The following USP9X variants were observed in gnomAD, a reference collection of about 807,000 sequenced individuals.
USP9X encodes ubiquitin specific peptidase 9 X-linked, also known as ubiquitin carboxyl-terminal hydrolase 9X.
Under a neutral mutation model 190.3 loss-of-function variants are expected in USP9X, and 7 were observed. That is an observed-to-expected ratio of 0.04 (90% confidence interval 0.02 to 0.07). USP9X has a LOEUF of 0.07. Among genes scored for constraint, USP9X ranks in the 10% least tolerant of loss-of-function variants. The pLI is 1.00. For synonymous variants in USP9X, 645 were observed against 659.5 expected (o/e 0.98, Z 0.34); for missense variants, 1,010 against 1,916.9 (o/e 0.53, Z 8.83).
At position 41,214,738 on chromosome X, in the gene USP9X, T is replaced by C. The variant is rs769227918; in HGVS notation, c.5331+29T>C. The C allele has an allele frequency of 3.4e-6, 4 of 1,173,868 alleles. No individual in the cohort carries two copies. The East Asian group carries it at 1.2e-4, about 36-fold the overall frequency. On this transcript the variant is annotated intron_variant, in intron 34 of 44. Coordinates refer to ENST00000378308, the MANE Select transcript of USP9X (RefSeq NM_001039591.3). The stretch of plus-strand genomic sequence containing the variant: ...CGGGCTGTCCAGTTTTGTTTAATTT[T>C]GATTACATTTAATGGATTTAGAAGA...
intron 21 of USP9X, among the ~76,000 whole-genome samples, chrX:41,182,937 GTT>G (rs11324762): frequency 2.9e-4 from 28 of 95,645 alleles, no homozygotes; most frequent in African/African-American, 6.5e-4. Flanking sequence ...GAAAATCATA[GTT>G]TTTTTTTTTT....
In USP9X at chrX:41,189,322, A is replaced by G; in HGVS notation, c.3824A>G (p.Asn1275Ser). 8.3e-7 allele frequency: 1 copy of G among 1,209,469 alleles called. No homozygotes were observed. Among genetic ancestry groups the G allele is most frequent in the Non-Finnish European group, 1.1e-6 (1 of 894,366 alleles). ...TKIYEKTNAG[N>S]EPDLEDEQVC... ...GTAATTTTACAGACCAATGCAGGCA[A>G]TGAGCCAGACTTGGAAGACGAACAG... is the stretch of plus-strand genomic sequence containing the variant. The change falls in exon 26 of 45, where the codon AAT (asparagine) becomes AGT (serine). Residue 1275 changes from asparagine to serine, a missense_variant. This residue lies in a region of USP9X where 351 missense variants were observed against 480.8 expected (regional missense o/e 0.73). Coordinates refer to ENST00000378308, the MANE Select transcript of USP9X (RefSeq NM_001039591.3).
In USP9X at chrX:41,117,951, G is replaced by A. The variant is rs756852860; in HGVS notation, c.-158-5520G>A. 3.6e-5 allele frequency among the ~76,000 whole-genome samples: 4 copies of A among 110,590 alleles called. No individual in the cohort carries two copies. The East Asian group carries it at 8.5e-4, about 24-fold the overall frequency. The stretch of plus-strand genomic sequence containing the variant: ...CGGCTCACTGCAACCTCTGCCTTCC[G>A]GATTCAAGCGATTCTCCTGCCACAG... On this transcript the variant is annotated intron_variant, in intron 1 of 44. Coordinates refer to ENST00000378308, the MANE Select transcript of USP9X (RefSeq NM_001039591.3).
intron 30 of USP9X, among the ~76,000 whole-genome samples, chrX:41,200,162 A>G (rs1039022110): frequency 3.6e-5 from 4 of 111,871 alleles, no homozygotes; most frequent in African/African-American, 1.3e-4. Context: ...TGATTGCTTA[A>G]AAGGTTAGAC....
Position 41,225,157 on chromosome X carries a change from CT to C in USP9X, c.7061+21del. The C allele has an allele frequency of 1.7e-6, 2 of 1,192,801 alleles. No homozygotes were observed. The highest frequency in any genetic ancestry group is 1.1e-6 in the Non-Finnish European group (1 of 879,387). On this transcript the variant is annotated intron_variant, in intron 41 of 44. Transcript: ENST00000378308. ...TCACAGGTGGATACTCTTTTTGTGA[CT>C]GGAAACAATTAGGCTTGCCCAGGTG...
At chrX:41,205,887 C>CTTTTTTTTTTTTTTTT (rs751427663) in intron 32 of USP9X, among the ~76,000 whole-genome samples, 1 of 87,147 alleles carries the variant, frequency 1.1e-5, no homozygotes, top group African/African-American at 4.1e-5. Context: ...TTTTCTTTTT[C>CTTTTTTTTTTTTTTTT]TTTTTTTCTT....
At chrX:41,122,797 C>T (rs1161230193) in intron 1 of USP9X, among the ~76,000 whole-genome samples, 1 of 111,374 alleles carries the variant, frequency 9.0e-6, no homozygotes, top group Non-Finnish European at 1.9e-5. Flanking sequence ...AGGTGGCTGT[C>T]AGTGGGATGG....
At chrX:41,106,062 G>A (rs987232077) in intron 1 of USP9X, among the ~76,000 whole-genome samples, 1 of 111,643 alleles carries the variant, frequency 9.0e-6, no homozygotes, top group Non-Finnish European at 1.9e-5. Flanking sequence ...TGTTTTTCTT[G>A]TAATTTGTGG....
Position 41,231,073 on chromosome X carries a change from A to C in USP9X, c.7527+477A>C, listed in dbSNP as rs1195464133. 1.4e-4 allele frequency among the ~76,000 whole-genome samples: 16 copies of C among 112,084 alleles called. 1 individual carries two copies. The Admixed American group carries it at 1.5e-3, about 11-fold the overall frequency. ...AGGTGATTAAAGTAAATAAACTAGTAAATAGCAAAAGAAATGAGATGAAGA... is the reference window on the plus strand; with the variant it reads ...AGGTGATTAAAGTAAATAAACTAGTCAATAGCAAAAGAAATGAGATGAAGA... On this transcript the variant is annotated intron_variant, in intron 44 of 44. Coordinates refer to ENST00000378308, the MANE Select transcript of USP9X (RefSeq NM_001039591.3).
In USP9X at chrX:41,186,616, C is replaced by T; in HGVS notation, c.3658C>T (p.Arg1220Cys). ...GTGCATGCTTAGAAATGTGTCAGTT[C>T]GTCTTGCTCAGCAGATATCTGATGA... ...SECMLRNVSV[R>C]LAQQISDEAS... Residue 1220 changes from arginine to cysteine, a missense_variant, in exon 24 of 45, where the codon CGT (arginine) becomes TGT (cysteine). This residue lies in a region of USP9X where 351 missense variants were observed against 480.8 expected (regional missense o/e 0.73). Transcript: ENST00000378308. The T allele has an allele frequency of 2.5e-6, 3 of 1,210,966 alleles. No individual in the cohort carries two copies. The highest frequency in any genetic ancestry group is 3.4e-6 in the Non-Finnish European group (3 of 895,126).
At chrX:41,191,014 T>C (rs1419859515) in intron 26 of USP9X, among the ~76,000 whole-genome samples, 1 of 111,585 alleles carries the variant, frequency 9.0e-6, no homozygotes, top group Non-Finnish European at 1.9e-5. Flanking sequence ...ACATTAATTA[T>C]TGGCATTAAT....
At chrX:41,145,710 C>T (rs2062458515) in intron 11 of USP9X, among the ~76,000 whole-genome samples, 1 of 111,755 alleles carries the variant, frequency 8.9e-6, no homozygotes, top group South Asian at 3.7e-4. Context: ...CAGGTGTTCA[C>T]ATTGTGTACT....
Position 41,227,114 on chromosome X carries a change from T to C in USP9X, c.7061+1977T>C, listed in dbSNP as rs186289617. On this transcript the variant is annotated intron_variant, in intron 41 of 44. Coordinates refer to ENST00000378308, the MANE Select transcript of USP9X (RefSeq NM_001039591.3). Reference sequence around the variant, plus strand: ...ATGAGATTAGTAAGATACTGTTAAATGAATCACTGGCCCAAACGTGAAAAT... The same window carrying C: ...ATGAGATTAGTAAGATACTGTTAAACGAATCACTGGCCCAAACGTGAAAAT... Among the ~76,000 whole-genome samples the C allele has an allele frequency of 9.7e-4, 109 of 112,369 alleles. 1 individual carries two copies. In the Middle Eastern group the frequency reaches 0.028, roughly 28 times the overall value.
intron 26 of USP9X, among the ~76,000 whole-genome samples, chrX:41,195,249 A>G (rs938850315): frequency 2.1e-4 from 23 of 110,499 alleles, no homozygotes; most frequent in Non-Finnish European, 3.8e-5. Context: ...GTTGGCTAGG[A>G]TGGTCTTGAC....
rs745456291 is a variant in USP9X, at chrX:41,107,431, G to GT, written c.-158-16039dup. 5.6e-3 allele frequency among the ~76,000 whole-genome samples: 632 copies of GT among 112,452 alleles called. 3 individuals carry two copies. The highest frequency in any genetic ancestry group is 9.7e-3 in the Non-Finnish European group (515 of 53,267). On this transcript the variant is annotated intron_variant, in intron 1 of 44. Coordinates refer to ENST00000378308, the MANE Select transcript of USP9X (RefSeq NM_001039591.3). ...TCTTACTGATGATCCTTTGTATGTGGTGATGGATGCACTTTTTGCTGCATT... is the reference window on the plus strand; with the variant it reads ...TCTTACTGATGATCCTTTGTATGTGGTTGATGGATGCACTTTTTGCTGCATT...
intron 21 of USP9X, among the ~76,000 whole-genome samples, chrX:41,172,703 T>C (rs2062737745): frequency 8.9e-6 from 1 of 112,348 alleles, no homozygotes; most frequent in Admixed American, 9.5e-5. Flanking sequence ...TTTATTTTCC[T>C]GATTGTACAC....
chrX:41,157,821 G>A (rs954375277), intron 14 of USP9X, among the ~76,000 whole-genome samples: 10 of 111,821 alleles, frequency 8.9e-5, no homozygotes, highest in South Asian at 3.7e-4. Context: ...AGACAGACTT[G>A]ACAGCAAAGA....
At chrX:41,212,784 AG>A (rs1015040430) in intron 33 of USP9X, among the ~76,000 whole-genome samples, 4 of 111,617 alleles carry the variant, frequency 3.6e-5, no homozygotes, top group African/African-American at 1.3e-4. Flanking sequence ...TTTGATTACC[AG>A]GAAATGATTG....
rs991495351 is a variant in USP9X at position 41,193,359 on chromosome X, T to C, written c.3978-2892T>C. Among the ~76,000 whole-genome samples the C allele has an allele frequency of 3.6e-5, 4 of 111,665 alleles. No homozygotes were observed. In the Admixed American group the frequency reaches 3.8e-4, roughly 11 times the overall value. On this transcript the variant is annotated intron_variant, in intron 26 of 44. Coordinates refer to ENST00000378308, the MANE Select transcript of USP9X (RefSeq NM_001039591.3). The stretch of plus-strand genomic sequence containing the variant: ...GGAAAAGCAAGCTATTTTATGAATT[T>C]AAATAAAAGATGACAGTGGGCTGCA...
Sources: allele counts gnomAD v4.1 joint callset (sites outside exome capture counted in the v4.1 genomes callset), GRCh38; gene constraint gnomAD v4.1.1; regional missense constraint gnomAD v4.1.1; transcripts MANE v1.5; gene names NCBI Gene and HGNC (gene_info 2026-07-23, HGNC 2026-07-21).